The following RABGAP1L variants were observed in gnomAD, a reference collection of about 807,000 sequenced individuals.
RABGAP1L encodes the protein RAB GTPase activating protein 1 like, also known as rab GTPase-activating protein 1-like.
RABGAP1L carries 63 observed loss-of-function variants against 137.7 expected under a neutral mutation model. That is an observed-to-expected ratio of 0.46 (90% CI 0.37 to 0.56). The LOEUF is 0.56. RABGAP1L is among the 20% of genes least tolerant of loss of function. The pLI, the probability that RABGAP1L is intolerant of heterozygous loss-of-function variation, is 0.00. For missense variants in RABGAP1L, 1,095 were observed against 1,244.0 expected (o/e 0.88, Z 1.80); for synonymous variants, 431 against 433.7 (o/e 0.99, Z 0.08).
chr1:174,700,239 A>G (rs2148518864), intron 16 of RABGAP1L, among the ~76,000 whole-genome samples: 1 of 152,348 alleles, frequency 6.6e-6, no homozygotes. Context: ...CCACAGGCAA[A>G]GTGATTGACC....
At chr1:174,557,622 G>A (rs1254669529) in intron 13 of RABGAP1L, among the ~76,000 whole-genome samples, 1 of 152,162 alleles carries the variant, frequency 6.6e-6, no homozygotes, top group Non-Finnish European at 1.5e-5. Flanking sequence ...AGATATGGGG[G>A]CAGCCAGCCC....
chr1:174,702,330 C>T (rs936101386), intron 17 of RABGAP1L, 74 bp downstream of exon 17: 26 of 1,350,628 alleles, frequency 1.9e-5, no homozygotes, highest in Admixed American at 2.6e-5. Flanking sequence ...AGTTTTCTTC[C>T]TTTTGTTTTT....
At chr1:174,722,765 C>T (rs1050264679) in intron 17 of RABGAP1L, among the ~76,000 whole-genome samples, 6 of 151,922 alleles carry the variant, frequency 3.9e-5, no homozygotes, top group African/African-American at 7.3e-5. Flanking sequence ...TCTCAAGCTT[C>T]TACCAGTAGT....
intron 13 of RABGAP1L, among the ~76,000 whole-genome samples, chr1:174,611,276 C>CTGAATT (rs1274297512): frequency 1.3e-5 from 2 of 150,638 alleles, no homozygotes; most frequent in Non-Finnish European, 3.0e-5. Context: ...CTACACATGG[C>CTGAATT]TAGCCAGTTT....
intron 11 of RABGAP1L, among the ~76,000 whole-genome samples, chr1:174,338,084 T>G (rs918190022): frequency 1.3e-4 from 20 of 152,176 alleles, no homozygotes; most frequent in Non-Finnish European, 2.6e-4. Flanking sequence ...CCTTTTTCTC[T>G]ACAGATAACC....
At chr1:174,673,126 A>G (rs1483647287) in intron 14 of RABGAP1L, among the ~76,000 whole-genome samples, 3 of 152,152 alleles carry the variant, frequency 2.0e-5, no homozygotes, top group Non-Finnish European at 4.4e-5. Context: ...ACATACACCC[A>G]TAGCTCTAGA....
intron 4 of RABGAP1L, among the ~76,000 whole-genome samples, chr1:174,234,641 C>T (rs1246598916): frequency 6.6e-6 from 1 of 151,626 alleles, no homozygotes; most frequent in South Asian, 2.1e-4. Flanking sequence ...TGTTTTGGTA[C>T]CAGTGCCATG....
chr1:174,263,193 C>A (rs1438976020), intron 7 of RABGAP1L, among the ~76,000 whole-genome samples: 2 of 152,246 alleles, frequency 1.3e-5, no homozygotes, highest in African/African-American at 4.8e-5. Flanking sequence ...TTGCTGGCTG[C>A]AGCCCAGAGG....
Position 174,691,608 on chromosome 1 carries a change from A to C in RABGAP1L, c.1900-7917A>C, listed in dbSNP as rs1043108703. On this transcript the variant is annotated intron_variant, in intron 15 of 25. Coordinates refer to ENST00000681986, the MANE Select transcript of RABGAP1L (RefSeq NM_001366446.1). ...TGTTTATCCCCTCTTTTCCTTAATG[A>C]AATAACACTGGTGATAAAGTTTCTG... 2.0e-5 allele frequency among the ~76,000 whole-genome samples: 3 copies of C among 152,194 alleles called. No individual in the cohort carries two copies. In the East Asian group the frequency reaches 5.8e-4, roughly 29 times the overall value.
At chr1:174,374,844 T>A (rs1685390405) in intron 12 of RABGAP1L, among the ~76,000 whole-genome samples, 1 of 152,206 alleles carries the variant, frequency 6.6e-6, no homozygotes, top group Non-Finnish European at 1.5e-5. Flanking sequence ...TTTTTGTGTG[T>A]TTTGTTTTTC....
intron 6 of RABGAP1L, among the ~76,000 whole-genome samples, chr1:174,252,162 T>C (rs6668618): frequency 0.072 from 11,029 of 152,316 alleles, 593 homozygotes; most frequent in East Asian, 0.32. Context: ...CCCAAAGTGC[T>C]GGGATTACAG....
intron 19 of RABGAP1L, among the ~76,000 whole-genome samples, chr1:174,903,857 G>C (rs1258602822): frequency 6.6e-6 from 1 of 151,964 alleles, no homozygotes; most frequent in Non-Finnish European, 1.5e-5. Flanking sequence ...GGCTGAGGCA[G>C]GAGAATCGCT....
intron 1 of RABGAP1L, among the ~76,000 whole-genome samples, chr1:174,214,105 C>G (rs2148442996): frequency 6.6e-6 from 1 of 152,170 alleles, no homozygotes; most frequent in Non-Finnish European, 1.5e-5. Context: ...AAAGACTCCA[C>G]CAAAAAACTG....
intron 17 of RABGAP1L, among the ~76,000 whole-genome samples, chr1:174,739,069 G>T (rs333436): frequency 0.37 from 56,699 of 151,980 alleles, 13,930 homozygotes; most frequent in African/African-American, 0.7. Context: ...TAGTATAACT[G>T]CTTGATGTGA....
intron 10 of RABGAP1L, among the ~76,000 whole-genome samples, chr1:174,280,702 TAAC>T (rs1467467932): frequency 6.6e-6 from 1 of 152,186 alleles, no homozygotes; most frequent in African/African-American, 2.4e-5. Context: ...GGAGAGCACT[TAAC>T]AAGAGGATGG....
intron 13 of RABGAP1L, among the ~76,000 whole-genome samples, chr1:174,625,540 C>T (rs1220161974): frequency 6.6e-6 from 1 of 152,158 alleles, no homozygotes; most frequent in Non-Finnish European, 1.5e-5. Context: ...TCAAGTGATC[C>T]TCCCATCTCA....
At chr1:174,670,597 A>C (rs1009873821) in intron 14 of RABGAP1L, among the ~76,000 whole-genome samples, 1 of 151,952 alleles carries the variant, frequency 6.6e-6, no homozygotes, top group Non-Finnish European at 1.5e-5. Context: ...CTGTATGTCC[A>C]TGAATTCAGT....
rs137868157 is a variant in RABGAP1L at position 174,761,588 on chromosome 1, C to T, written c.2211+9234C>T. Among the ~76,000 whole-genome samples, 3,229 of 151,958 alleles carry T rather than the reference C, an allele frequency of 0.021. 55 individuals carry two copies. Among genetic ancestry groups the T allele is most frequent in the Middle Eastern group, 0.085 (25 of 294 alleles). ...GCAGAGGCGCTCCTCATTTTTCAGA[C>T]GGTGCGGCCGCCAGGCAGAGGCACT... On this transcript the variant is annotated intron_variant, in intron 18 of 25. Transcript: ENST00000681986. The surrounding 1 kb of genome is among the most constrained non-coding windows in gnomAD (Gnocchi z 4.0).
intron 14 of RABGAP1L, among the ~76,000 whole-genome samples, chr1:174,641,646 A>C (rs1674537075): frequency 6.6e-6 from 1 of 152,146 alleles, no homozygotes; most frequent in Admixed American, 6.5e-5. Context: ...GAGATGTAAA[A>C]ATCTGCTATA....
Sources: allele counts gnomAD v4.1 joint callset (sites outside exome capture counted in the v4.1 genomes callset), GRCh38; gene constraint gnomAD v4.1.1; non-coding constraint Gnocchi (gnomAD v3.1); transcripts MANE v1.5; gene names NCBI Gene and HGNC (gene_info 2026-07-23, HGNC 2026-07-21).